CSMD1: variants seen among roughly 807,000 people sequenced by gnomAD.
CSMD1 encodes CUB and sushi domain-containing protein 1.
In CSMD1, 213 loss-of-function variants were observed where a neutral mutation model predicts 417.5. That is an observed-to-expected ratio of 0.51 (90% CI 0.46 to 0.57). The LOEUF is 0.57. Ranked by LOEUF, CSMD1 falls within the 20% of genes least tolerant of loss-of-function variation. CSMD1 has a pLI of 0.00. For synonymous variants in CSMD1, 2,862 were observed against 1,736.8 expected (o/e 1.65, Z -16.11); for missense variants, 6,923 against 4,529.7 (o/e 1.53, Z -15.17).
chr8:3,174,281 C>G (rs1820771277), intron 37 of CSMD1, among the ~76,000 whole-genome samples: 1 of 152,120 alleles, frequency 6.6e-6, no homozygotes, highest in South Asian at 2.1e-4. Context: ...ATGGCTTAAG[C>G]TCAGGAGTTG....
At chr8:4,002,461 C>T (rs1406584311) in intron 4 of CSMD1, among the ~76,000 whole-genome samples, 1 of 152,112 alleles carries the variant, frequency 6.6e-6, no homozygotes, top group East Asian at 1.9e-4. Flanking sequence ...AGTTTGTTTC[C>T]TCTTAGATCT....
At chr8:3,394,055 TAGAAAAA>T (rs1811540820) in intron 17 of CSMD1, among the ~76,000 whole-genome samples, 1 of 112,372 alleles carries the variant, frequency 8.9e-6, no homozygotes, top group Non-Finnish European at 1.9e-5. Flanking sequence ...TATATATATA[TAGAAAAA>T]AAGAAAAATG....
At chr8:3,300,038 C>T (rs1358670057) in intron 25 of CSMD1, among the ~76,000 whole-genome samples, 1 of 152,022 alleles carries the variant, frequency 6.6e-6, no homozygotes, top group East Asian at 1.9e-4. Context: ...TTACTTACAA[C>T]AGTGAAAAAA....
chr8:4,642,265 G>T (rs1803239355), intron 1 of CSMD1, among the ~76,000 whole-genome samples: 1 of 152,122 alleles, frequency 6.6e-6, no homozygotes, highest in South Asian at 2.1e-4. Flanking sequence ...GTAAAGGCAG[G>T]GCTCACTGTG....
intron 11 of CSMD1, among the ~76,000 whole-genome samples, chr8:3,470,322 G>T (rs1402010674): frequency 6.6e-6 from 1 of 152,102 alleles, no homozygotes; most frequent in African/African-American, 2.4e-5. Flanking sequence ...ACAAGTAGGG[G>T]ATGATTAACA....
intron 22 of CSMD1, among the ~76,000 whole-genome samples, chr8:3,346,819 T>C (rs1808034373): frequency 6.6e-6 from 1 of 152,214 alleles, no homozygotes; most frequent in South Asian, 2.1e-4. Flanking sequence ...AAATGCATCA[T>C]TATGTGCATC....
chr8:4,156,064 G>C (rs946571717), intron 3 of CSMD1, among the ~76,000 whole-genome samples: 1 of 152,094 alleles, frequency 6.6e-6, no homozygotes, highest in Non-Finnish European at 1.5e-5. Flanking sequence ...CTACAGAAAT[G>C]GAATTGGAAT....
chr8:4,730,408 G>C (rs879882128), intron 1 of CSMD1, among the ~76,000 whole-genome samples: 2 of 152,122 alleles, frequency 1.3e-5, no homozygotes, highest in Non-Finnish European at 1.5e-5. Flanking sequence ...AAAAGTAGTT[G>C]AGTTAGGTGG....
At chr8:4,668,526 T>C (rs1463621820) in intron 1 of CSMD1, among the ~76,000 whole-genome samples, 1 of 151,126 alleles carries the variant, frequency 6.6e-6, no homozygotes, top group South Asian at 2.1e-4. Flanking sequence ...CTCAGCTCAC[T>C]GCAAGCTCCG....
At chr8:4,411,268 G>A (rs1446246704) in intron 3 of CSMD1, among the ~76,000 whole-genome samples, 1 of 151,934 alleles carries the variant, frequency 6.6e-6, no homozygotes, top group Non-Finnish European at 1.5e-5. Context: ...TATGAAATGG[G>A]CTCTATGGAG....
intron 3 of CSMD1, among the ~76,000 whole-genome samples, chr8:4,224,237 A>G (rs1801212535): frequency 6.6e-6 from 1 of 152,066 alleles, no homozygotes; most frequent in African/African-American, 2.4e-5. Flanking sequence ...TTTTTCAGAA[A>G]AAAAAAATAA....
chr8:3,806,782 G>C (rs569960101), intron 5 of CSMD1, among the ~76,000 whole-genome samples: 15 of 152,270 alleles, frequency 9.9e-5, no homozygotes, highest in African/African-American at 3.4e-4. Flanking sequence ...AGTTGTTTTA[G>C]CTACTAAATA....
At chr8:4,541,248 T>C (rs1025882294) in intron 2 of CSMD1, among the ~76,000 whole-genome samples, 2 of 152,148 alleles carry the variant, frequency 1.3e-5, no homozygotes, top group African/African-American at 4.8e-5. Flanking sequence ...TGACTTAGAG[T>C]GAGCCAGTTC....
intron 68 of CSMD1, among the ~76,000 whole-genome samples, chr8:2,948,270 A>G (rs1456703159): frequency 6.6e-6 from 1 of 152,042 alleles, no homozygotes; most frequent in Non-Finnish European, 1.5e-5. Flanking sequence ...ATCTCGTAAC[A>G]ACCTTGGGAA....
At chr8:3,721,844 G>C (rs1384394323) in intron 6 of CSMD1, among the ~76,000 whole-genome samples, 1 of 152,118 alleles carries the variant, frequency 6.6e-6, no homozygotes, top group African/African-American at 2.4e-5. Context: ...AGTTTTCTGA[G>C]AGGCGCTGTA....
chr8:3,782,706 G>T (rs1236083219), intron 5 of CSMD1, among the ~76,000 whole-genome samples: 7 of 152,128 alleles, frequency 4.6e-5, no homozygotes, highest in Non-Finnish European at 8.8e-5. Flanking sequence ...ATAGTTTTTG[G>T]CTAGGTTCAA....
chr8:4,388,046 G>C (rs1247162175), intron 3 of CSMD1, among the ~76,000 whole-genome samples: 1 of 152,062 alleles, frequency 6.6e-6, no homozygotes, highest in Non-Finnish European at 1.5e-5. Context: ...CATTCCTGAT[G>C]AATGAATGTC....
At chr8:3,179,470 T>C (rs1821172583) in intron 37 of CSMD1, among the ~76,000 whole-genome samples, 1 of 152,176 alleles carries the variant, frequency 6.6e-6, no homozygotes, top group African/African-American at 2.4e-5. Flanking sequence ...ATGAGAAATA[T>C]GTTAGTCTCT....
At chr8:3,828,132 A>G (rs1010340327) in intron 5 of CSMD1, among the ~76,000 whole-genome samples, 2 of 152,176 alleles carry the variant, frequency 1.3e-5, no homozygotes, top group African/African-American at 4.8e-5. Context: ...AGAACCTGGG[A>G]ACATCCTAAT....
Sources: allele counts gnomAD v4.1 joint callset (sites outside exome capture counted in the v4.1 genomes callset), GRCh38; gene constraint gnomAD v4.1.1; transcripts MANE v1.5; gene names NCBI Gene and HGNC (gene_info 2026-07-23, HGNC 2026-07-21).